Variants in EDEM1 observed in about 807,000 individuals in gnomAD.
EDEM1 encodes ER degradation enhancing alpha-mannosidase like protein 1.
Under a neutral mutation model 74.4 loss-of-function variants are expected in EDEM1, and 67 were observed. The observed-to-expected ratio is 0.90, with a 90% confidence interval of 0.74 to 1.10. The LOEUF is 1.10. EDEM1 is among the 50% of genes least tolerant of loss of function. EDEM1 has a pLI of 0.00. For synonymous variants in EDEM1, 382 were observed against 335.9 expected (o/e 1.14, Z -1.50); for missense variants, 926 against 851.6 (o/e 1.09, Z -1.09).
At chr3:5,198,008 C>G (rs755075077) in intron 2 of EDEM1, among the ~76,000 whole-genome samples, 9 of 151,966 alleles carry the variant, frequency 5.9e-5, no homozygotes, top group Non-Finnish European at 1.2e-4. Context: ...GGGGCACTTC[C>G]AAGTCACAGG....
In EDEM1 at chr3:5,193,247, G is replaced by A. The variant is rs114680633; in HGVS notation, c.510-1962G>A. On this transcript the variant is annotated intron_variant, in intron 1 of 11. Coordinates refer to ENST00000256497, the MANE Select transcript of EDEM1 (RefSeq NM_014674.3). ...GTTGAAGCCCACTCTGTTTCTAAGC[G>A]GCAGAGCAACAGAGTGAAATATTTA... is the stretch of plus-strand genomic sequence containing the variant. 9.2e-3 allele frequency among the ~76,000 whole-genome samples: 1,397 copies of A among 152,222 alleles called. 23 individuals are homozygous for A. The highest frequency in any genetic ancestry group is 0.032 in the African/African-American group (1,313 of 41,546).
chr3:5,202,040 C>T (rs143122437), intron 4 of EDEM1, 116 bp downstream of exon 4: 134 of 1,297,886 alleles, frequency 1.0e-4, no homozygotes, highest in Non-Finnish European at 1.3e-4. Flanking sequence ...ATGAGAAAAG[C>T]AGTGTCCTTA....
chr3:5,208,808 C>A (rs1283954245), intron 8 of EDEM1, among the ~76,000 whole-genome samples: 2 of 151,234 alleles, frequency 1.3e-5, no homozygotes, highest in Non-Finnish European at 2.9e-5. Context: ...TAATAGTGTT[C>A]ATCCTTTGTG....
rs199863019 is a variant in EDEM1, at chr3:5,187,764, G to T, written c.-42G>T. The T allele has an allele frequency of 5.3e-5, 79 of 1,491,874 alleles. No individual in the cohort carries two copies. In the East Asian group the frequency reaches 2.1e-3, roughly 39 times the overall value. 92.4% of individuals were successfully genotyped at this position (1,491,874 alleles called of 1,614,324 possible). On this transcript the variant is annotated 5_prime_UTR_variant, in exon 1 of 12. Transcript: ENST00000256497. ...GCGGGGTGCGGTGGTCGGCGGGGAG[G>T]CCCCCGCGCTTTAAAATAATGCCCG...
intron 2 of EDEM1, among the ~76,000 whole-genome samples, chr3:5,195,765 T>C (rs894920175): frequency 6.6e-6 from 1 of 152,260 alleles, no homozygotes; most frequent in Non-Finnish European, 1.5e-5. Context: ...CTTCCTGTTT[T>C]GTGGACACTC....
chr3:5,187,995 G>GT lies in EDEM1; in HGVS notation c.190_191insT (p.Gly64ValfsTer114). On this transcript the variant is annotated frameshift_variant, in exon 1 of 12. Transcript: ENST00000256497. LOFTEE classifies it high-confidence loss of function. Reference sequence around the variant, plus strand: ...CACCTCGGGGCCCGTGGGCCGGCCTGGGGGGGTATCCGGGCCGTCGTGGCT... The same window carrying GT: ...CACCTCGGGGCCCGTGGGCCGGCCTGTGGGGGGTATCCGGGCCGTCGTGGCT... 1 of 1,514,710 alleles carries GT rather than the reference G, an allele frequency of 6.6e-7. No individual in the cohort carries two copies. The highest frequency in any genetic ancestry group is 8.8e-7 in the Non-Finnish European group (1 of 1,133,416). The allele number at this position is 1,514,710 out of a possible 1,614,324, so 93.8% of individuals were successfully genotyped here. A position where few individuals can be genotyped will look rare whatever the true frequency, so the allele number is the denominator to read the frequency against.
intron 7 of EDEM1, 83 bp from the exon 8 acceptor site, chr3:5,208,010 G>T (rs751521483): frequency 6.8e-7 from 1 of 1,463,140 alleles, no homozygotes; most frequent in Non-Finnish European, 9.1e-7. Flanking sequence ...GGGGGCAGAG[G>T]AGAGCCCAGG....
intron 5 of EDEM1, among the ~76,000 whole-genome samples, chr3:5,203,925 G>T (rs1171655859): frequency 6.6e-6 from 1 of 152,056 alleles, no homozygotes; most frequent in Non-Finnish European, 1.5e-5. Flanking sequence ...TAGAGACAGG[G>T]TCTCACTATG....
At chr3:5,189,992 T>G (rs1178830663) in intron 1 of EDEM1, among the ~76,000 whole-genome samples, 1 of 28,462 alleles carries the variant, frequency 3.5e-5, no homozygotes, top group Non-Finnish European at 2.6e-4. Context: ...TTTCTTAGTT[T>G]TTTTTTTGGG....
chr3:5,207,665 T>C lies in EDEM1; in HGVS notation c.1338+392T>C, dbSNP rs185868478. On this transcript the variant is annotated intron_variant, in intron 7 of 11. Coordinates refer to ENST00000256497, the MANE Select transcript of EDEM1 (RefSeq NM_014674.3). ...GGGATTACAGGCGCCTGCCACCACA[T>C]CCGGCTAATTTTTTGTACTTTTAGT... 1.4e-3 allele frequency among the ~76,000 whole-genome samples: 211 copies of C among 152,076 alleles called. 1 individual carries two copies. Among genetic ancestry groups the C allele is most frequent in the African/African-American group, 4.9e-3 (204 of 41,502 alleles).
At chr3:5,194,118 A>T (rs1453864760) in intron 1 of EDEM1, among the ~76,000 whole-genome samples, 1 of 152,232 alleles carries the variant, frequency 6.6e-6, no homozygotes, top group Non-Finnish European at 1.5e-5. Context: ...GGAAGGTGAG[A>T]TAAGGACCCA....
At chr3:5,201,639 G>A (rs913706528) in intron 3 of EDEM1, 114 bp from the exon 4 acceptor site, 14 of 1,234,824 alleles carry the variant, frequency 1.1e-5, no homozygotes, top group African/African-American at 1.1e-4. Context: ...TCTCTCTGAC[G>A]TCAGGCAGTT....
intron 10 of EDEM1, among the ~76,000 whole-genome samples, chr3:5,212,493 G>T (rs908814754): frequency 1.2e-4 from 19 of 152,230 alleles, no homozygotes; most frequent in African/African-American, 4.6e-4. Flanking sequence ...GGTGACCCTG[G>T]AGGGTGTGCT....
At chr3:5,193,914 A>G (rs2054932168) in intron 1 of EDEM1, among the ~76,000 whole-genome samples, 1 of 152,236 alleles carries the variant, frequency 6.6e-6, no homozygotes, top group Non-Finnish European at 1.5e-5. Flanking sequence ...TTTACTATAA[A>G]TTCTTTGCTT....
intron 2 of EDEM1, among the ~76,000 whole-genome samples, chr3:5,195,508 G>A (rs954607661): frequency 2.6e-5 from 4 of 152,130 alleles, no homozygotes; most frequent in Admixed American, 1.3e-4. Context: ...AGGAATGTAC[G>A]ATTGATTTTA....
chr3:5,199,499 C>T (rs917024259), intron 2 of EDEM1, 93 bp from the exon 3 acceptor site: 3 of 854,276 alleles, frequency 3.5e-6, no homozygotes, highest in South Asian at 1.7e-5. Context: ...AAACCACATA[C>T]AGACATTTAG....
chr3:5,213,600 C>T, intron 11 of EDEM1, 78 bp downstream of exon 11: 1 of 1,392,740 alleles, frequency 7.2e-7, no homozygotes, highest in Non-Finnish European at 9.7e-7. Context: ...TTCAGACTTC[C>T]TGACAGAAAA....
At position 5,216,452 on chromosome 3, in the gene EDEM1, G is replaced by A. The variant is rs2055238226; in HGVS notation, c.*534G>A. The A allele has an allele frequency of 6.6e-6, 1 of 152,162 alleles. No homozygotes were observed. Among genetic ancestry groups the A allele is most frequent in the Non-Finnish European group, 1.5e-5 (1 of 68,036 alleles). 9.4% of individuals were successfully genotyped at this position (152,162 alleles called of 1,614,324 possible). On this transcript the variant is annotated 3_prime_UTR_variant, in exon 12 of 12. Coordinates refer to ENST00000256497, the MANE Select transcript of EDEM1 (RefSeq NM_014674.3). ...CTGGCTAGCTACTTCTTTGTTAGAGGATTGAGAATGAAATTTCTGCAAAAG... is the reference window on the plus strand; with the variant it reads ...CTGGCTAGCTACTTCTTTGTTAGAGAATTGAGAATGAAATTTCTGCAAAAG...
At position 5,197,405 on chromosome 3, in the gene EDEM1, G is replaced by C. The variant is rs1003533085; in HGVS notation, c.582+2124G>C. On this transcript the variant is annotated intron_variant, in intron 2 of 11. Coordinates refer to ENST00000256497, the MANE Select transcript of EDEM1 (RefSeq NM_014674.3). The stretch of plus-strand genomic sequence containing the variant: ...CCATTTAGCTCCTCTGTCCCATTCA[G>C]CCATTTTCAAACATTAGTGTGATTT... Among the ~76,000 whole-genome samples the C allele has an allele frequency of 3.9e-5, 6 of 152,212 alleles. No homozygotes were observed. In the South Asian group the frequency reaches 1.2e-3, roughly 32 times the overall value.
Sources: allele counts gnomAD v4.1 joint callset (sites outside exome capture counted in the v4.1 genomes callset), GRCh38; gene constraint gnomAD v4.1.1; transcripts MANE v1.5; gene names NCBI Gene and HGNC (gene_info 2026-07-23, HGNC 2026-07-21).